The following CPLANE1 variants were observed in gnomAD, a reference collection of about 807,000 sequenced individuals.
CPLANE1 encodes the protein ciliogenesis and planar polarity effector complex subunit 1.
Under a neutral mutation model 362.5 loss-of-function variants are expected in CPLANE1, and 263 were observed. That is an observed-to-expected ratio of 0.73 (90% CI 0.66 to 0.80). The LOEUF is 0.80. CPLANE1 is among the 30% of genes least tolerant of loss of function. The probability of loss-of-function intolerance (pLI) is 0.00; values close to 1 mark genes in which losing one functional copy is unlikely to be tolerated. For synonymous variants in CPLANE1, 1,212 were observed against 1,302.6 expected, an observed-to-expected ratio of 0.93 and a Z score of 1.50; for missense variants, 3,461 against 3,793.4, an observed-to-expected ratio of 0.91 and a Z score of 2.30.
intron 38 of CPLANE1, among the ~76,000 whole-genome samples, chr5:37,160,328 G>A (rs536549184): frequency 6.6e-6 from 1 of 152,264 alleles, no homozygotes; most frequent in East Asian, 1.9e-4. Context: ...GCCGAGGAGG[G>A]CAAATCACTT....
At position 37,186,319 on chromosome 5, in the gene CPLANE1, G is replaced by A. The variant is rs769304117; in HGVS notation, c.4156C>T (p.Leu1386Phe). The A allele has an allele frequency of 4.0e-5, 63 of 1,591,544 alleles. No individual in the cohort carries two copies. The highest frequency in any genetic ancestry group is 2.2e-4 in the South Asian group (20 of 90,464). Residue 1386 changes from leucine (L) to phenylalanine (F), a missense_variant, in exon 24 of 53, where the codon CTT becomes TTT. By Grantham distance (22) the Leu-to-Phe change is conservative. This residue lies in a region of CPLANE1 where 3,380 missense variants were observed against 3,666.1 expected (regional missense o/e 0.92). Transcript: ENST00000651892. ...RVPLRDKYHSLHQRLRHCVVK... is the reference protein window; with the variant it reads ...RVPLRDKYHSFHQRLRHCVVK... ...ACACAGTGTCTGAGTCTCTGGTGAA[G>A]AGAGTGATATTTGTCTCTTAAAGGA...
intron 17 of CPLANE1, 127 bp from the exon 18 acceptor site, chr5:37,205,581 G>T: frequency 1.6e-6 from 1 of 626,596 alleles, no homozygotes. Flanking sequence ...TATCGTACAT[G>T]TAAAAAAGAT....
rs1791811182 is a variant in CPLANE1 at position 37,209,051 on chromosome 5, C to A, written c.2921-2626G>T. The stretch of plus-strand genomic sequence containing the variant: ...ACGAAGGATGGGATGTGAGGCGGTC[C>A]TGCCTTGCCGCCTTCTGTCCCTAGT... On this transcript the variant is annotated intron_variant, in intron 16 of 52. Coordinates refer to ENST00000651892, the MANE Select transcript of CPLANE1 (RefSeq NM_001384732.1). This position sits in a 1 kb window ranked among gnomAD's most constrained non-coding sequence, Gnocchi z 4.6. Among the ~76,000 whole-genome samples, 1 of 152,232 alleles carries A rather than the reference C, an allele frequency of 6.6e-6. No homozygotes were observed.
chr5:37,198,609 T>C (rs1788244709), intron 20 of CPLANE1, 93 bp downstream of exon 20: 1 of 1,250,328 alleles, frequency 8.0e-7, no homozygotes, highest in African/African-American at 1.5e-5. Flanking sequence ...AGGGCAGGAC[T>C]CCTTGGGAAA....
In CPLANE1 at chr5:37,245,789, T is replaced by C. The variant is rs569433256; in HGVS notation, c.138A>G (p.Leu46=). ...DDKFINEINL[L]SGKIKKKIPS... ...GAATTTTCTTCTTTATCTTTCCTGA[T>C]AGCAAATTAATTTCATTTATGAATT... The change falls in exon 3 of 53, where the codon CTA becomes CTG. Residue 46 remains leucine (L), a synonymous_variant. Transcript: ENST00000651892. The C allele has an allele frequency of 2.6e-6, 4 of 1,532,570 alleles. No homozygotes were observed. The highest frequency in any genetic ancestry group is 2.8e-5 in the African/African-American group (2 of 72,292). 94.9% of individuals were successfully genotyped at this position (1,532,570 alleles called of 1,614,324 possible).
chr5:37,248,653 G>T (rs556460888), intron 1 of CPLANE1, among the ~76,000 whole-genome samples: 1 of 151,954 alleles, frequency 6.6e-6, no homozygotes, highest in Non-Finnish European at 1.5e-5. Context: ...CGAAGACTCC[G>T]GCTCAAAAAT....
chr5:37,195,475 C>T (rs113991041), intron 21 of CPLANE1, among the ~76,000 whole-genome samples: 8,068 of 151,804 alleles, frequency 0.053, 667 homozygotes, highest in African/African-American at 0.18. Context: ...GTGGTGTGCA[C>T]CTGTCATCCC....
At chr5:37,210,556 A>C in intron 16 of CPLANE1, 1 of 1,504,484 alleles carries the variant, frequency 6.6e-7, no homozygotes, top group Non-Finnish European at 9.2e-7. Context: ...GAACTCAATC[A>C]ATCTATAAAT....
At chr5:37,221,238 G>T in intron 15 of CPLANE1, 86 bp downstream of exon 15, 1 of 788,334 alleles carries the variant, frequency 1.3e-6, no homozygotes, top group Non-Finnish European at 1.9e-6. Context: ...AGGATTACTT[G>T]AGCTCAGGGG....
chr5:37,122,180 T>C (rs1408012824), intron 48 of CPLANE1, among the ~76,000 whole-genome samples: 2 of 152,152 alleles, frequency 1.3e-5, no homozygotes, highest in Non-Finnish European at 2.9e-5. Flanking sequence ...TGCATGTAAA[T>C]ATCTGGGTTG....
chr5:37,108,513 AT>A, intron 51 of CPLANE1, 42 bp from the exon 52 acceptor site: 1 of 1,494,028 alleles, frequency 6.7e-7, no homozygotes, highest in Non-Finnish European at 9.1e-7. Context: ...GGATTGATTC[AT>A]TCATTCATTC....
At chr5:37,102,637 C>T (rs1025646374), downstream of CPLANE1, among the ~76,000 whole-genome samples, 2 of 152,162 alleles carry the variant, frequency 1.3e-5, no homozygotes, top group Non-Finnish European at 2.9e-5. Flanking sequence ...CAAATAACTT[C>T]TTGACATCTG....
intron 17 of CPLANE1, 111 bp downstream of exon 17, chr5:37,206,086 G>T: frequency 1.3e-6 from 1 of 757,618 alleles, no homozygotes; most frequent in Non-Finnish European, 2.2e-6. Context: ...ACGTTCCATT[G>T]AACAATGCTG....
chr5:37,119,746 G>A (rs1486056380), intron 50 of CPLANE1, among the ~76,000 whole-genome samples: 1 of 152,114 alleles, frequency 6.6e-6, no homozygotes, highest in East Asian at 1.9e-4. Context: ...AGCACTTTGG[G>A]AGGCCGGGGC....
chr5:37,153,119 A>C (rs193169860), intron 42 of CPLANE1, among the ~76,000 whole-genome samples: 2 of 152,274 alleles, frequency 1.3e-5, no homozygotes, highest in African/African-American at 4.8e-5. Context: ...GCATGGGTTT[A>C]CTTCCTTTTT....
At chr5:37,216,011 T>A (rs1292359302) in intron 15 of CPLANE1, among the ~76,000 whole-genome samples, 1 of 151,890 alleles carries the variant, frequency 6.6e-6, no homozygotes, top group East Asian at 1.9e-4. Context: ...TTTTTTGTAT[T>A]TTTTTGGTCA....
intron 39 of CPLANE1, 143 bp downstream of exon 39, chr5:37,158,081 A>G (rs1775691308): frequency 1.0e-6 from 1 of 994,040 alleles, no homozygotes; most frequent in South Asian, 1.9e-5. Context: ...CATAATGCTT[A>G]AATTAATTTT....
At position 37,118,360 on chromosome 5, in the gene CPLANE1, T is replaced by C. The variant is rs556243170; in HGVS notation, c.9310+1856A>G. Among the ~76,000 whole-genome samples the C allele has an allele frequency of 2.1e-5, 3 of 141,012 alleles. No individual in the cohort carries two copies. The South Asian group carries it at 6.5e-4, about 31-fold the overall frequency. The allele number at this position is 141,012 out of a possible 152,430, so 92.5% of individuals were successfully genotyped here. On this transcript the variant is annotated intron_variant, in intron 50 of 52. Transcript: ENST00000651892. ...AGGCAAAGGTTGCAGTGAGCCAAGA[T>C]CATGGCACAGCACTCCAGACTGGGC... is the stretch of plus-strand genomic sequence containing the variant.
intron 11 of CPLANE1, 58 bp downstream of exon 11, chr5:37,227,185 T>C (rs1407823004): frequency 2.8e-5 from 43 of 1,525,744 alleles, no homozygotes; most frequent in Non-Finnish European, 3.5e-5. Context: ...AAACAGAATA[T>C]GTTTCTTGGA....
Sources: gnomAD v4.1 joint callset for allele counts (sites outside exome capture counted in the v4.1 genomes callset) on GRCh38, gnomAD v4.1.1 for gene constraint, gnomAD v4.1.1 regional missense constraint, Gnocchi (gnomAD v3.1) non-coding constraint, MANE v1.5 for transcripts, NCBI Gene and HGNC (gene_info 2026-07-23, HGNC 2026-07-21) for gene names.